Variants in NCALD observed in about 807,000 individuals in gnomAD.
NCALD encodes neurocalcin-delta.
A neutral mutation model predicts 18.6 loss-of-function variants in NCALD; 10 were observed. The observed-to-expected ratio is 0.54, with a 90% CI of 0.33 to 0.91. The LOEUF (loss-of-function observed/expected upper bound fraction) is 0.91, where lower values mean the gene tolerates loss of function less well. Among genes scored for constraint, NCALD ranks in the 40% least tolerant of loss-of-function variants. NCALD has a pLI of 0.03. For missense variants in NCALD, 184 were observed against 247.6 expected, an observed-to-expected ratio of 0.74 and a Z score of 1.72; for synonymous variants, 88 against 87.4, an observed-to-expected ratio of 1.01 and a Z score of -0.04.
chr8:101,883,042 T>C (rs554233226), intron 4 of NCALD, among the ~76,000 whole-genome samples: 18 of 152,344 alleles, frequency 1.2e-4, no homozygotes, highest in African/African-American at 3.6e-4. Flanking sequence ...GTATAAAGCA[T>C]ATTAAATATA....
chr8:101,783,124 G>A (rs1036691750), intron 1 of NCALD, among the ~76,000 whole-genome samples: 1 of 152,166 alleles, frequency 6.6e-6, no homozygotes, highest in Non-Finnish European at 1.5e-5. Flanking sequence ...GACATGAAAG[G>A]AATATTTTCA....
At chr8:102,077,142 A>AG (rs774519874) in intron 1 of NCALD, among the ~76,000 whole-genome samples, 4 of 151,764 alleles carry the variant, frequency 2.6e-5, no homozygotes, top group Admixed American at 2.6e-4. Context: ...AGGCTGGTGG[A>AG]GGGGGTGGGG....
At chr8:101,701,070 G>A (rs754371659) in intron 2 of NCALD, among the ~76,000 whole-genome samples, 5 of 152,162 alleles carry the variant, frequency 3.3e-5, no homozygotes, top group African/African-American at 1.2e-4. Context: ...GCAGAGAGTC[G>A]AGGTGACGAG....
At chr8:102,029,246 G>A (rs1372576958) in intron 1 of NCALD, 1 of 152,164 alleles carries the variant, frequency 6.6e-6, no homozygotes, top group Non-Finnish European at 1.5e-5. Context: ...CAGGGAAATG[G>A]GCCTGGAGAG....
intron 1 of NCALD, among the ~76,000 whole-genome samples, chr8:102,065,325 G>A (rs17500046): frequency 0.061 from 9,297 of 151,682 alleles, 415 homozygotes; most frequent in Non-Finnish European, 0.093. Flanking sequence ...CAAGGAAGCC[G>A]CTTGCCTGTT....
chr8:101,783,846 G>A (rs1288562712), intron 1 of NCALD, among the ~76,000 whole-genome samples: 2 of 152,156 alleles, frequency 1.3e-5, no homozygotes, highest in African/African-American at 4.8e-5. Flanking sequence ...AAGCTCATTT[G>A]TAATTTGGTT....
intron 2 of NCALD, among the ~76,000 whole-genome samples, chr8:101,972,821 T>C (rs1820289896): frequency 6.6e-6 from 1 of 152,152 alleles, no homozygotes; most frequent in African/African-American, 2.4e-5. Context: ...TAGGCCACAC[T>C]GAAAGATTAT....
At chr8:102,021,568 G>A (rs1226906117) in intron 1 of NCALD, among the ~76,000 whole-genome samples, 1 of 152,114 alleles carries the variant, frequency 6.6e-6, no homozygotes, top group African/African-American at 2.4e-5. Flanking sequence ...TATTAACAGG[G>A]TACCAGGCTG....
intron 1 of NCALD, among the ~76,000 whole-genome samples, chr8:102,107,239 TACAC>T (rs1292303449): frequency 4.3e-4 from 48 of 110,408 alleles, no homozygotes; most frequent in Non-Finnish European, 5.9e-4. Flanking sequence ...TATATATATA[TACAC>T]ATAGAAATAT....
chr8:102,058,164 TAGAA>T (rs1823719516), intron 1 of NCALD, among the ~76,000 whole-genome samples: 1 of 152,164 alleles, frequency 6.6e-6, no homozygotes, highest in African/African-American at 2.4e-5. Context: ...ACAATATGGT[TAGAA>T]AGGAAGGTGA....
chr8:102,091,302 CTG>C (rs1318556941), intron 1 of NCALD, among the ~76,000 whole-genome samples: 5 of 152,072 alleles, frequency 3.3e-5, no homozygotes, highest in African/African-American at 1.2e-4. Flanking sequence ...AAATGGGAAA[CTG>C]GAGAGAGAAA....
At chr8:101,901,361 G>A (rs1463942362) in intron 3 of NCALD, among the ~76,000 whole-genome samples, 2 of 151,152 alleles carry the variant, frequency 1.3e-5, no homozygotes, top group East Asian at 1.9e-4. Context: ...TGTAGTCAAT[G>A]TAATTGTTGA....
At chr8:101,780,896 C>T (rs180754309) in intron 1 of NCALD, among the ~76,000 whole-genome samples, 37 of 152,244 alleles carry the variant, frequency 2.4e-4, no homozygotes, top group African/African-American at 8.7e-4. Context: ...CAAAATACCC[C>T]TCCTGATGGG....
intron 1 of NCALD, among the ~76,000 whole-genome samples, chr8:101,743,561 A>T (rs1380246186): frequency 6.6e-6 from 1 of 152,196 alleles, no homozygotes; most frequent in Admixed American, 6.5e-5. Flanking sequence ...GGATGTTGAC[A>T]GGTGAGTACA....
chr8:102,043,433 T>G (rs547766835), intron 1 of NCALD, among the ~76,000 whole-genome samples: 4 of 151,830 alleles, frequency 2.6e-5, no homozygotes, highest in Non-Finnish European at 5.9e-5. Context: ...TTCTGTATTC[T>G]TGACTAAACA....
intron 2 of NCALD, among the ~76,000 whole-genome samples, chr8:101,969,944 CAT>C (rs1418808521): frequency 6.6e-5 from 10 of 152,154 alleles, no homozygotes; most frequent in South Asian, 2.1e-4. Context: ...TGTGCACACA[CAT>C]GTGTTTACAG....
chr8:102,117,866 G>A (rs899212638), intron 1 of NCALD, among the ~76,000 whole-genome samples: 1 of 152,146 alleles, frequency 6.6e-6, no homozygotes, highest in Non-Finnish European at 1.5e-5. Context: ...AAACACACAG[G>A]TTGGGGAAAA....
chr8:101,998,676 C>T (rs1821327656), intron 2 of NCALD, among the ~76,000 whole-genome samples: 1 of 152,140 alleles, frequency 6.6e-6, no homozygotes, highest in African/African-American at 2.4e-5. Flanking sequence ...ATGGCTTACC[C>T]CTGCTGCTAG....
intron 2 of NCALD, among the ~76,000 whole-genome samples, chr8:101,716,256 G>A (rs1443027087): frequency 6.6e-6 from 1 of 152,192 alleles, no homozygotes; most frequent in East Asian, 1.9e-4. Flanking sequence ...ACTCATAGGT[G>A]GGAGTTGAAC....
Sources: gnomAD v4.1 joint callset for allele counts (sites outside exome capture counted in the v4.1 genomes callset) on GRCh38, gnomAD v4.1.1 for gene constraint, MANE v1.5 for transcripts, NCBI Gene and HGNC (gene_info 2026-07-23, HGNC 2026-07-21) for gene names.